Variants in PLXDC2 observed in about 807,000 individuals in gnomAD.
PLXDC2 encodes plexin domain containing 2.
A neutral mutation model predicts 68.9 loss-of-function variants in PLXDC2; 40 were observed. That is an observed-to-expected ratio of 0.58 (90% confidence interval 0.45 to 0.76). PLXDC2 has a LOEUF of 0.76. Among genes scored for constraint, PLXDC2 ranks in the 30% least tolerant of loss-of-function variants. PLXDC2 has a pLI of 0.00. For missense variants in PLXDC2, 644 were observed against 661.9 expected (o/e 0.97, Z 0.30); for synonymous variants, 243 against 234.2 (o/e 1.04, Z -0.34).
chr10:19,968,315 C>CT (rs1834298188), intron 1 of PLXDC2, among the ~76,000 whole-genome samples: 1 of 152,066 alleles, frequency 6.6e-6, no homozygotes, highest in South Asian at 2.1e-4. Flanking sequence ...TCCTTCATTG[C>CT]TTTTTTGTTG....
chr10:20,259,468 G>A (rs1835783238), intron 13 of PLXDC2, among the ~76,000 whole-genome samples: 1 of 152,158 alleles, frequency 6.6e-6, no homozygotes, highest in Non-Finnish European at 1.5e-5. Flanking sequence ...TTAGGCATCA[G>A]ATTTTAGAAA....
At chr10:20,247,234 C>G (rs994974220) in intron 13 of PLXDC2, among the ~76,000 whole-genome samples, 1 of 144,270 alleles carries the variant, frequency 6.9e-6, no homozygotes, top group Non-Finnish European at 1.5e-5. Flanking sequence ...CTGAGGCAGA[C>G]AGATTGCTTG....
intron 13 of PLXDC2, among the ~76,000 whole-genome samples, chr10:20,249,677 A>G (rs1243535432): frequency 6.6e-6 from 1 of 152,100 alleles, no homozygotes; most frequent in African/African-American, 2.4e-5. Context: ...ACTGAACCAC[A>G]TCTGCAAAGT....
chr10:20,032,524 C>T (rs577651645), intron 2 of PLXDC2, among the ~76,000 whole-genome samples: 2 of 152,024 alleles, frequency 1.3e-5, no homozygotes, highest in Admixed American at 6.6e-5. Flanking sequence ...GGAACTTATA[C>T]GAGAAACGGG....
intron 12 of PLXDC2, among the ~76,000 whole-genome samples, chr10:20,228,217 A>G (rs544127289): frequency 3.2e-4 from 48 of 152,316 alleles, no homozygotes; most frequent in African/African-American, 1.1e-3. Flanking sequence ...CAGCGTATAA[A>G]TGACAGTTGA....
intron 2 of PLXDC2, among the ~76,000 whole-genome samples, chr10:20,022,544 C>T (rs1835330008): frequency 6.6e-6 from 1 of 152,104 alleles, no homozygotes; most frequent in African/African-American, 2.4e-5. Flanking sequence ...TTATTTGTAT[C>T]ATGGGTAGCT....
chr10:20,127,193 T>C (rs1325144343), intron 4 of PLXDC2, among the ~76,000 whole-genome samples: 1 of 152,140 alleles, frequency 6.6e-6, no homozygotes, highest in Non-Finnish European at 1.5e-5. Context: ...TTGAGCTTTT[T>C]TCCTTCCTAA....
chr10:19,945,708 A>T (rs1225567259), intron 1 of PLXDC2, among the ~76,000 whole-genome samples: 1 of 152,072 alleles, frequency 6.6e-6, no homozygotes, highest in East Asian at 1.9e-4. Context: ...TCCCAAGTAC[A>T]CTCATATGCT....
Position 19,840,800 on chromosome 10 carries a change from G to C in PLXDC2, c.112+23609G>C, listed in dbSNP as rs545061323. Among the ~76,000 whole-genome samples the C allele has an allele frequency of 3.9e-5, 6 of 152,184 alleles. No individual in the cohort carries two copies. The East Asian group carries it at 1.2e-3, about 29-fold the overall frequency. On this transcript the variant is annotated intron_variant, in intron 1 of 13. Transcript: ENST00000377252. ...GTGATTGAAGAGAATTTGGTAAGGA[G>C]TGTATATAATTGGTATATAATTTCA...
chr10:20,139,152 C>T (rs976254891), intron 4 of PLXDC2, among the ~76,000 whole-genome samples: 3 of 152,158 alleles, frequency 2.0e-5, no homozygotes, highest in Non-Finnish European at 4.4e-5. Context: ...CTAGAGACCA[C>T]CTATGGAAAG....
chr10:20,123,748 A>G (rs1181287197), intron 4 of PLXDC2, among the ~76,000 whole-genome samples: 2 of 151,826 alleles, frequency 1.3e-5, no homozygotes, highest in African/African-American at 2.4e-5. Context: ...GGGCACAGAG[A>G]TACGAGGTCA....
chr10:20,082,584 G>A lies in PLXDC2; in HGVS notation c.541+14345G>A, dbSNP rs150301352. ...TTTTAAAAAACAAGTTTTGTAGCTCGATATTTTCTATAAGGTATGGAGTAA... is the reference window on the plus strand; with the variant it reads ...TTTTAAAAAACAAGTTTTGTAGCTCAATATTTTCTATAAGGTATGGAGTAA... On this transcript the variant is annotated intron_variant, in intron 4 of 13. Transcript: ENST00000377252. Among the ~76,000 whole-genome samples the A allele has an allele frequency of 7.2e-5, 11 of 152,190 alleles. No homozygotes were observed. The East Asian group carries it at 1.4e-3, about 19-fold the overall frequency.
intron 4 of PLXDC2, among the ~76,000 whole-genome samples, chr10:20,074,859 GT>G (rs1243210222): frequency 8.4e-6 from 1 of 118,518 alleles, no homozygotes; most frequent in Non-Finnish European, 1.6e-5. Context: ...GAATGGAGTT[GT>G]TTTGTATTAT....
Position 19,947,562 on chromosome 10 carries a change from T to G in PLXDC2, c.113-54213T>G, listed in dbSNP as rs185497909. Among the ~76,000 whole-genome samples the G allele has an allele frequency of 2.0e-5, 3 of 152,326 alleles. No homozygotes were observed. In the East Asian group the frequency reaches 5.8e-4, roughly 29 times the overall value. On this transcript the variant is annotated intron_variant, in intron 1 of 13. Transcript: ENST00000377252. ...TCCCATGTTTGCTAATATTATTAGATCCACATTTCTTTTTGGAAAAAATTG... is the reference window on the plus strand; with the variant it reads ...TCCCATGTTTGCTAATATTATTAGAGCCACATTTCTTTTTGGAAAAAATTG...
chr10:20,207,917 A>G (rs1835014718), intron 9 of PLXDC2, among the ~76,000 whole-genome samples: 1 of 152,148 alleles, frequency 6.6e-6, no homozygotes, highest in East Asian at 1.9e-4. Context: ...TTCCACTTGA[A>G]TTAAATTATA....
intron 1 of PLXDC2, among the ~76,000 whole-genome samples, chr10:19,835,720 A>C (rs1836777529): frequency 6.6e-6 from 1 of 152,228 alleles, no homozygotes; most frequent in Admixed American, 6.5e-5. Context: ...CTAGAGTGAG[A>C]GGCAGATTAG....
chr10:20,040,962 TTAGA>T (rs149686288), intron 2 of PLXDC2, among the ~76,000 whole-genome samples: 4 of 152,318 alleles, frequency 2.6e-5, no homozygotes, highest in East Asian at 1.9e-4. Flanking sequence ...CTATGAAACA[TTAGA>T]TAGTTATTTT....
intron 5 of PLXDC2, among the ~76,000 whole-genome samples, chr10:20,147,404 T>A (rs182977820): frequency 8.0e-4 from 122 of 152,338 alleles, no homozygotes; most frequent in African/African-American, 2.8e-3. Flanking sequence ...TGTGTTTCTC[T>A]CTCAGCATTT....
rs868159588 is a variant in PLXDC2, at chr10:20,044,231, T to G, written c.325-2638T>G. The stretch of plus-strand genomic sequence containing the variant: ...TCTCTGTCTTTCTTTCTTTCTTTCT[T>G]TCTTTCTTTCTTTCTTTCTTTCTTT... On this transcript the variant is annotated intron_variant, in intron 2 of 13. Coordinates refer to ENST00000377252, the MANE Select transcript of PLXDC2 (RefSeq NM_032812.9). Among the ~76,000 whole-genome samples, 303 of 72,780 alleles carry G rather than the reference T, an allele frequency of 4.2e-3. 8 individuals carry two copies. Among genetic ancestry groups the G allele is most frequent in the African/African-American group, 0.014 (199 of 14,570 alleles). 47.7% of individuals were successfully genotyped at this position (72,780 alleles called of 152,430 possible).
Sources: gnomAD v4.1 joint callset for allele counts (sites outside exome capture counted in the v4.1 genomes callset) on GRCh38, gnomAD v4.1.1 for gene constraint, MANE v1.5 for transcripts, NCBI Gene and HGNC (gene_info 2026-07-23, HGNC 2026-07-21) for gene names.